PRELID2: variants seen among roughly 807,000 people sequenced by gnomAD.
The protein encoded by PRELID2 is PRELI domain-containing protein 2.
Under a neutral mutation model 28.4 loss-of-function variants are expected in PRELID2, and 25 were observed. The observed-to-expected ratio is 0.88, with a 90% confidence interval of 0.64 to 1.23. PRELID2 has a LOEUF of 1.23. Among genes scored for constraint, PRELID2 ranks in the 50% most tolerant of loss-of-function variants. The pLI is 0.00. For missense variants in PRELID2, 201 were observed against 214.4 expected, an observed-to-expected ratio of 0.94 and a Z score of 0.39; for synonymous variants, 76 against 71.6, an observed-to-expected ratio of 1.06 and a Z score of -0.31.
At chr5:145,328,777 T>C in the PRELID2 span, among the ~76,000 whole-genome samples, 1 of 152,240 alleles carries the variant, frequency 6.6e-6, no homozygotes, top group Non-Finnish European at 1.5e-5. Context: ...CTCTTTAGTT[T>C]AATTAGATCC....
chr5:145,781,698 C>CTATA (rs376391264), intron 5 of PRELID2, among the ~76,000 whole-genome samples: 1 of 143,258 alleles, frequency 7.0e-6, no homozygotes, highest in African/African-American at 2.6e-5. Context: ...ACTATATATA[C>CTATA]TATATATATA....
intron 1 of PRELID2, among the ~76,000 whole-genome samples, chr5:145,674,891 C>T (rs9790961): frequency 1.3e-5 from 2 of 151,702 alleles, no homozygotes; most frequent in Non-Finnish European, 2.9e-5. Flanking sequence ...ACCATGATTT[C>T]ACCACTGCAC....
At chr5:145,578,806 G>T (rs1474516140) in intron 1 of PRELID2, among the ~76,000 whole-genome samples, 5 of 152,040 alleles carry the variant, frequency 3.3e-5, no homozygotes, top group Non-Finnish European at 7.4e-5. Flanking sequence ...ACATCAGTTT[G>T]CTGGATTCTC....
At chr5:145,381,987 G>A in the PRELID2 span, among the ~76,000 whole-genome samples, 1 of 150,446 alleles carries the variant, frequency 6.6e-6, no homozygotes, top group Non-Finnish European at 1.5e-5. Flanking sequence ...CAGAAAAAAT[G>A]ACAAAATACA....
the PRELID2 span, among the ~76,000 whole-genome samples, chr5:145,445,330 A>C: frequency 6.6e-6 from 1 of 152,086 alleles, no homozygotes; most frequent in African/African-American, 2.4e-5. Flanking sequence ...ATTCATATGC[A>C]GAAGAATAAA....
intron 1 of PRELID2, among the ~76,000 whole-genome samples, chr5:145,685,725 G>A (rs1288171878): frequency 6.6e-6 from 1 of 152,144 alleles, no homozygotes; most frequent in Non-Finnish European, 1.5e-5. Flanking sequence ...CAGTACCACT[G>A]TAAAAAGCAG....
At chr5:145,507,414 AG>A (rs1350805371) in intron 1 of PRELID2, among the ~76,000 whole-genome samples, 1 of 152,156 alleles carries the variant, frequency 6.6e-6, no homozygotes, top group Non-Finnish European at 1.5e-5. Flanking sequence ...CTGAAGTTGG[AG>A]AGAGTAGCAT....
chr5:145,735,196 G>C (rs1290970077), intron 1 of PRELID2, among the ~76,000 whole-genome samples: 1 of 147,576 alleles, frequency 6.8e-6, no homozygotes, highest in Non-Finnish European at 1.5e-5. Flanking sequence ...AGTGAGTTGA[G>C]ATTGCACCAT....
chr5:145,713,538 TTA>T (rs1042076390), intron 1 of PRELID2, among the ~76,000 whole-genome samples: 5 of 143,002 alleles, frequency 3.5e-5, no homozygotes, highest in African/African-American at 1.3e-4. Context: ...TTAAAGTGCT[TTA>T]TATATATATA....
At chr5:145,650,549 TATATATA>T in intron 1 of PRELID2, among the ~76,000 whole-genome samples, 1 of 122,508 alleles carries the variant, frequency 8.2e-6, no homozygotes, top group African/African-American at 3.6e-5. Flanking sequence ...TATATATATA[TATATATA>T]TATATATATA....
At chr5:145,798,097 T>C (rs939096669) in intron 4 of PRELID2, among the ~76,000 whole-genome samples, 1 of 151,422 alleles carries the variant, frequency 6.6e-6, no homozygotes, top group Non-Finnish European at 1.5e-5. Context: ...TTCACTAGAG[T>C]GGCTCATTCA....
chr5:145,802,277 A>G (rs1017987317), intron 4 of PRELID2, among the ~76,000 whole-genome samples: 1 of 152,250 alleles, frequency 6.6e-6, no homozygotes, highest in Admixed American at 6.5e-5. Flanking sequence ...AACCAGATAT[A>G]TATGTGCACA....
chr5:145,703,086 T>C (rs1464888910), intron 1 of PRELID2, among the ~76,000 whole-genome samples: 1 of 152,234 alleles, frequency 6.6e-6, no homozygotes, highest in African/African-American at 2.4e-5. Flanking sequence ...TTTACTGGTC[T>C]GTGCAGCACC....
chr5:145,558,533 C>G (rs1160142491), intron 1 of PRELID2, among the ~76,000 whole-genome samples: 1 of 152,178 alleles, frequency 6.6e-6, no homozygotes, highest in African/African-American at 2.4e-5. Flanking sequence ...ACTCACCTTA[C>G]GTGACACTCA....
intron 5 of PRELID2, among the ~76,000 whole-genome samples, chr5:145,781,769 T>A (rs1751643966): frequency 6.8e-6 from 1 of 147,492 alleles, no homozygotes; most frequent in South Asian, 2.1e-4. Flanking sequence ...ACACTATATA[T>A]ATATATATAC....
intron 1 of PRELID2, among the ~76,000 whole-genome samples, chr5:145,735,994 T>C (rs1211725120): frequency 6.6e-6 from 1 of 152,158 alleles, no homozygotes; most frequent in African/African-American, 2.4e-5. Context: ...TTGCTGATAT[T>C]AAAGGTTTGT....
At chr5:145,782,033 C>T (rs575517810) in intron 5 of PRELID2, among the ~76,000 whole-genome samples, 1 of 152,214 alleles carries the variant, frequency 6.6e-6, no homozygotes, top group South Asian at 2.1e-4. Context: ...GAGAACACAG[C>T]TCCCAAATCT....
chr5:145,241,384 T>C, the PRELID2 span, among the ~76,000 whole-genome samples: 1 of 151,998 alleles, frequency 6.6e-6, no homozygotes, highest in Admixed American at 6.6e-5. Context: ...TAAATGACTA[T>C]GGAAGAGAGC....
chr5:145,366,115 A>G, the PRELID2 span, among the ~76,000 whole-genome samples: 5 of 151,904 alleles, frequency 3.3e-5, no homozygotes, highest in Non-Finnish European at 7.4e-5. Context: ...TTGGGGACAG[A>G]ATAGGGAGAA....
Sources: gnomAD v4.1 joint callset for allele counts (sites outside exome capture counted in the v4.1 genomes callset) on GRCh38, gnomAD v4.1.1 for gene constraint, MANE v1.5 for transcripts, NCBI Gene and HGNC (gene_info 2026-07-23, HGNC 2026-07-21) for gene names.